Variants in ASIC2 observed in about 807,000 individuals in gnomAD.
ASIC2 encodes the protein acid-sensing ion channel 2.
Under a neutral mutation model 57.3 loss-of-function variants are expected in ASIC2, and 25 were observed. The ratio of observed to expected loss-of-function variants is 0.44; its 90% CI spans 0.32 to 0.61. ASIC2 has a LOEUF of 0.61. ASIC2 is among the 20% of genes least tolerant of loss of function. The pLI is 0.06. For missense variants in ASIC2, 641 were observed against 738.1 expected (o/e 0.87, Z 1.52); for synonymous variants, 319 against 307.5 (o/e 1.04, Z -0.39).
intron 1 of ASIC2, among the ~76,000 whole-genome samples, chr17:33,835,343 C>T (rs773905035): frequency 2.6e-5 from 4 of 152,170 alleles, no homozygotes; most frequent in Admixed American, 6.5e-5. Flanking sequence ...TCATTCCAGC[C>T]GTCAGTACTT....
intron 1 of ASIC2, among the ~76,000 whole-genome samples, chr17:34,046,639 TCTCA>T (rs1180314366): frequency 2.0e-5 from 3 of 152,080 alleles, no homozygotes; most frequent in Non-Finnish European, 2.9e-5. Flanking sequence ...CTACCCCAAC[TCTCA>T]CTCAAAGGAC....
intron 1 of ASIC2, among the ~76,000 whole-genome samples, chr17:33,591,314 C>G (rs1904817715): frequency 2.6e-5 from 4 of 152,154 alleles, no homozygotes; most frequent in Admixed American, 1.3e-4. Flanking sequence ...CACTCTAGAC[C>G]TCTGATAGTT....
At chr17:33,249,408 C>T (rs752433745) in intron 1 of ASIC2, among the ~76,000 whole-genome samples, 8 of 152,110 alleles carry the variant, frequency 5.3e-5, no homozygotes, top group Non-Finnish European at 1.0e-4. Flanking sequence ...ACAGTACTTA[C>T]AGCCATGGGA....
At chr17:34,113,197 T>C (rs1015731660) in intron 1 of ASIC2, among the ~76,000 whole-genome samples, 1 of 152,156 alleles carries the variant, frequency 6.6e-6, no homozygotes, top group African/African-American at 2.4e-5. Flanking sequence ...TTCCAGACAT[T>C]GCCCGAAGAG....
chr17:33,857,816 A>G (rs2141921483), intron 1 of ASIC2, among the ~76,000 whole-genome samples: 1 of 152,334 alleles, frequency 6.6e-6, no homozygotes, highest in South Asian at 2.1e-4. Context: ...ACTTCCCTTC[A>G]TGGAAGAAAA....
chr17:33,246,693 G>T (rs920079041), intron 1 of ASIC2, among the ~76,000 whole-genome samples: 1 of 152,234 alleles, frequency 6.6e-6, no homozygotes, highest in Non-Finnish European at 1.5e-5. Flanking sequence ...CAAGTGCATA[G>T]TGCCTTACTG....
Position 33,800,377 on chromosome 17 carries a change from C to G in ASIC2, c.555+355601G>C, listed in dbSNP as rs573459871. On this transcript the variant is annotated intron_variant, in intron 1 of 9. Transcript: ENST00000359872. ...GTTTGGGACCAAGACCTATATGACT[C>G]CAGAGTTTCTGTGCTTTTACCTTGC... Among the ~76,000 whole-genome samples the G allele has an allele frequency of 1.4e-4, 22 of 152,244 alleles. No homozygotes were observed. In the South Asian group the frequency reaches 3.9e-3, roughly 27 times the overall value.
At chr17:33,751,415 C>T (rs536517787) in intron 1 of ASIC2, among the ~76,000 whole-genome samples, 24 of 152,286 alleles carry the variant, frequency 1.6e-4, no homozygotes, top group African/African-American at 5.8e-4. Flanking sequence ...ACAGAAACTG[C>T]TGCTGTTTCT....
At chr17:33,837,040 T>G (rs1205602873) in intron 1 of ASIC2, among the ~76,000 whole-genome samples, 1 of 152,214 alleles carries the variant, frequency 6.6e-6, no homozygotes, top group Non-Finnish European at 1.5e-5. Context: ...TCCTACAGCC[T>G]TTTCTTGAGC....
intron 1 of ASIC2, among the ~76,000 whole-genome samples, chr17:34,125,686 T>C (rs1249578471): frequency 6.6e-6 from 1 of 152,102 alleles, no homozygotes; most frequent in African/African-American, 2.4e-5. Flanking sequence ...TCCTATCTTA[T>C]AAAGGAGGAA....
At chr17:34,147,451 C>T (rs1399026536) in intron 1 of ASIC2, among the ~76,000 whole-genome samples, 1 of 152,216 alleles carries the variant, frequency 6.6e-6, no homozygotes. Context: ...GATGCTTCAG[C>T]ATCCAAAGAA....
chr17:33,056,753 C>T (rs553951280), intron 3 of ASIC2, among the ~76,000 whole-genome samples: 1 of 152,318 alleles, frequency 6.6e-6, no homozygotes, highest in South Asian at 2.1e-4. Context: ...CCCCATTGAA[C>T]TGGTGTCTTC....
intron 1 of ASIC2, among the ~76,000 whole-genome samples, chr17:33,392,731 A>T (rs1486601833): frequency 6.6e-6 from 1 of 152,138 alleles, no homozygotes; most frequent in Non-Finnish European, 1.5e-5. Flanking sequence ...AAGGCATCCT[A>T]ATGTTGAAAT....
chr17:33,259,002 G>A (rs974017848), intron 1 of ASIC2, among the ~76,000 whole-genome samples: 15 of 152,218 alleles, frequency 9.9e-5, no homozygotes, highest in African/African-American at 3.6e-4. Flanking sequence ...GAGGGTGTGT[G>A]TGGGGTGAGG....
At chr17:33,572,775 G>A (rs1436933756) in intron 1 of ASIC2, among the ~76,000 whole-genome samples, 1 of 152,182 alleles carries the variant, frequency 6.6e-6, no homozygotes. Flanking sequence ...AGATCTGCAC[G>A]AAGTGATGGG....
chr17:33,319,508 T>C (rs947113534), intron 1 of ASIC2, among the ~76,000 whole-genome samples: 1 of 152,234 alleles, frequency 6.6e-6, no homozygotes, highest in Non-Finnish European at 1.5e-5. Context: ...TTTTAATTTT[T>C]AATTTTTATG....
At chr17:33,477,240 C>G (rs1913260135) in intron 1 of ASIC2, among the ~76,000 whole-genome samples, 1 of 152,124 alleles carries the variant, frequency 6.6e-6, no homozygotes, top group Non-Finnish European at 1.5e-5. Flanking sequence ...ATTTCTCCCC[C>G]AAATTGATGT....
intron 1 of ASIC2, among the ~76,000 whole-genome samples, chr17:33,208,073 G>C (rs189579606): frequency 6.6e-6 from 1 of 152,326 alleles, no homozygotes; most frequent in Admixed American, 6.5e-5. Flanking sequence ...GAGTGGATGA[G>C]TGAATGGAGA....
intron 1 of ASIC2, among the ~76,000 whole-genome samples, chr17:33,311,370 A>G (rs918263615): frequency 6.6e-6 from 1 of 151,908 alleles, no homozygotes; most frequent in African/African-American, 2.4e-5. Flanking sequence ...CCCCATGTAC[A>G]TTCTGGTTGC....
Sources: allele counts gnomAD v4.1 joint callset (sites outside exome capture counted in the v4.1 genomes callset), GRCh38; gene constraint gnomAD v4.1.1; transcripts MANE v1.5; gene names NCBI Gene and HGNC (gene_info 2026-07-23, HGNC 2026-07-21).